The following LRP1B variants were observed in gnomAD, a reference collection of about 807,000 sequenced individuals.
LRP1B encodes LDL receptor related protein 1B, also known as low-density lipoprotein receptor-related protein 1B.
A neutral mutation model predicts 556.6 loss-of-function variants in LRP1B; 217 were observed. The observed-to-expected ratio is 0.39, with a 90% CI of 0.35 to 0.44. LRP1B has a LOEUF of 0.44. Ranked by LOEUF, LRP1B falls within the 20% of genes least tolerant of loss-of-function variation. The probability of loss-of-function intolerance (pLI) is 1.00; values close to 1 mark genes in which losing one functional copy is unlikely to be tolerated. For synonymous variants in LRP1B, 2,047 were observed against 1,865.8 expected, an observed-to-expected ratio of 1.10 and a Z score of -2.50; for missense variants, 5,053 against 5,620.8, an observed-to-expected ratio of 0.90 and a Z score of 3.23.
chr2:141,743,668 G>C (rs1010237356), intron 2 of LRP1B, among the ~76,000 whole-genome samples: 4 of 151,802 alleles, frequency 2.6e-5, no homozygotes, highest in Non-Finnish European at 4.4e-5. Context: ...TCAATAGCAA[G>C]CAACAACACT....
chr2:141,761,452 A>G lies in LRP1B; in HGVS notation c.205+48827T>C, dbSNP rs745710004. 4.8e-4 allele frequency among the ~76,000 whole-genome samples: 73 copies of G among 152,104 alleles called. 1 individual carries two copies. The highest frequency in any genetic ancestry group is 9.6e-4 in the Non-Finnish European group (65 of 67,998). Reference sequence around the variant, plus strand: ...ATCAAGCAACATAGAAATCATTTGAAAAATAACACAAATACACTATAAGAA... The same window carrying G: ...ATCAAGCAACATAGAAATCATTTGAGAAATAACACAAATACACTATAAGAA... On this transcript the variant is annotated intron_variant, in intron 2 of 90. Coordinates refer to ENST00000389484, the MANE Select transcript of LRP1B (RefSeq NM_018557.3).
chr2:140,300,719 G>T (rs1212296400), intron 83 of LRP1B, among the ~76,000 whole-genome samples: 1 of 152,052 alleles, frequency 6.6e-6, no homozygotes, highest in Non-Finnish European at 1.5e-5. Flanking sequence ...TAGGACCATG[G>T]GGAAATATGT....
At chr2:141,047,903 T>A (rs181757578) in intron 11 of LRP1B, among the ~76,000 whole-genome samples, 3 of 152,144 alleles carry the variant, frequency 2.0e-5, no homozygotes, top group African/African-American at 7.2e-5. Flanking sequence ...GAAGGAGTTA[T>A]CTGAGTATAC....
intron 41 of LRP1B, among the ~76,000 whole-genome samples, chr2:140,673,661 C>A (rs1685566011): frequency 6.6e-6 from 1 of 152,076 alleles, no homozygotes; most frequent in Non-Finnish European, 1.5e-5. Flanking sequence ...GGTATCTGTG[C>A]AAACAAAAAA....
At chr2:141,795,889 TATATATATATA>T (rs1281930728) in intron 2 of LRP1B, among the ~76,000 whole-genome samples, 1 of 76,710 alleles carries the variant, frequency 1.3e-5, no homozygotes, top group African/African-American at 4.6e-5. Context: ...TATATATATA[TATATATATATA>T]ATCTTTAAGC....
intron 2 of LRP1B, among the ~76,000 whole-genome samples, chr2:141,536,265 T>C (rs930272167): frequency 5.3e-5 from 8 of 152,130 alleles, no homozygotes; most frequent in African/African-American, 1.9e-4. Flanking sequence ...TTTTCCCACA[T>C]TTTTATCTAA....
chr2:140,877,254 A>C (rs774577077), intron 25 of LRP1B, among the ~76,000 whole-genome samples: 26 of 152,146 alleles, frequency 1.7e-4, no homozygotes, highest in Non-Finnish European at 2.1e-4. Flanking sequence ...AATGTGGCCT[A>C]TACTGATTTT....
intron 84 of LRP1B, among the ~76,000 whole-genome samples, chr2:140,289,450 T>G (rs1183148981): frequency 6.6e-6 from 1 of 152,066 alleles, no homozygotes; most frequent in Admixed American, 6.6e-5. Flanking sequence ...TTAATACATA[T>G]CAGTTGAATG....
At chr2:141,703,569 T>C (rs939137480) in intron 2 of LRP1B, among the ~76,000 whole-genome samples, 6 of 151,956 alleles carry the variant, frequency 3.9e-5, no homozygotes, top group African/African-American at 1.4e-4. Flanking sequence ...GTCGGCTCAT[T>C]CTTTGAGTTT....
chr2:142,100,869 C>T (rs2104968728), intron 1 of LRP1B, among the ~76,000 whole-genome samples: 1 of 151,988 alleles, frequency 6.6e-6, no homozygotes, highest in Admixed American at 6.6e-5. Context: ...CTTGTCCCCA[C>T]ACACGTTTCC....
chr2:141,842,063 T>C, intron 1 of LRP1B, among the ~76,000 whole-genome samples: 1 of 152,184 alleles, frequency 6.6e-6, no homozygotes. Flanking sequence ...TTGTGATTTA[T>C]TTTTAATGCC....
intron 3 of LRP1B, among the ~76,000 whole-genome samples, chr2:141,345,436 C>T (rs923426557): frequency 1.2e-4 from 18 of 152,070 alleles, no homozygotes; most frequent in Admixed American, 2.0e-4. Context: ...TATTTTCATT[C>T]CTCATGCTAG....
chr2:141,603,489 G>C (rs527743645), intron 2 of LRP1B, among the ~76,000 whole-genome samples: 13 of 151,978 alleles, frequency 8.6e-5, no homozygotes, highest in African/African-American at 2.9e-4. Flanking sequence ...TTGTATCAGG[G>C]GATACAGATA....
chr2:140,476,983 A>C (rs1688002396), intron 59 of LRP1B, among the ~76,000 whole-genome samples: 2 of 152,076 alleles, frequency 1.3e-5, no homozygotes, highest in South Asian at 4.1e-4. Context: ...ATGCTTTTTA[A>C]AATCTTGAAT....
intron 1 of LRP1B, among the ~76,000 whole-genome samples, chr2:141,882,943 G>A (rs1460744483): frequency 6.6e-6 from 1 of 152,158 alleles, no homozygotes; most frequent in Non-Finnish European, 1.5e-5. Context: ...GGTGGCAAAC[G>A]TATGTTGGCT....
chr2:142,095,140 T>A lies in LRP1B; in HGVS notation c.82+35508A>T, dbSNP rs1184952937. 1.5e-4 allele frequency among the ~76,000 whole-genome samples: 3 copies of A among 19,764 alleles called. No homozygotes were observed. In the South Asian group the frequency reaches 2.4e-3, roughly 16 times the overall value. 13.0% of individuals were successfully genotyped at this position (19,764 alleles called of 152,430 possible). On this transcript the variant is annotated intron_variant, in intron 1 of 90. Transcript: ENST00000389484. ...GTGCGATATGCACATATAAAAAAGC[T>A]TTTTTTTTTTTAAATCAGCAGATGG...
At chr2:141,843,679 T>C (rs1217583214) in intron 1 of LRP1B, among the ~76,000 whole-genome samples, 1 of 152,154 alleles carries the variant, frequency 6.6e-6, no homozygotes, top group Non-Finnish European at 1.5e-5. Context: ...TCAGAGATGG[T>C]ATAGAGACAG....
intron 3 of LRP1B, among the ~76,000 whole-genome samples, chr2:141,440,211 C>G (rs951580127): frequency 6.6e-6 from 1 of 152,228 alleles, no homozygotes; most frequent in African/African-American, 2.4e-5. Flanking sequence ...GTGACATAGG[C>G]AGGATTTGCG....
intron 66 of LRP1B, among the ~76,000 whole-genome samples, chr2:140,407,335 G>A (rs1239429611): frequency 6.6e-6 from 1 of 151,740 alleles, no homozygotes; most frequent in African/African-American, 2.4e-5. Flanking sequence ...ATAATAAATG[G>A]GATCTAATTA....
Sources: gnomAD v4.1 joint callset for allele counts (sites outside exome capture counted in the v4.1 genomes callset) on GRCh38, gnomAD v4.1.1 for gene constraint, MANE v1.5 for transcripts, NCBI Gene and HGNC (gene_info 2026-07-23, HGNC 2026-07-21) for gene names.